Variants in EHD4 observed in about 807,000 individuals in gnomAD.
EHD4 encodes the protein EH domain-containing protein 4.
EHD4 carries 37 observed loss-of-function variants against 51.0 expected under a neutral mutation model. The observed-to-expected ratio is 0.73, with a 90% CI of 0.56 to 0.95. The LOEUF is 0.95. EHD4 is among the 40% of genes least tolerant of loss of function. EHD4 has a pLI of 0.00. For synonymous variants in EHD4, 297 were observed against 317.3 expected (o/e 0.94, Z 0.68); for missense variants, 632 against 733.1 (o/e 0.86, Z 1.59).
intron 3 of EHD4, among the ~76,000 whole-genome samples, chr15:41,941,294 C>G (rs1370762369): frequency 6.6e-6 from 1 of 152,124 alleles, no homozygotes; most frequent in Non-Finnish European, 1.5e-5. Context: ...ATGAAATAAT[C>G]TGAATATACT....
Position 41,897,571 on chromosome 15 carries a change from G to C in EHD4, c.*3074C>G, listed in dbSNP as rs573779576. 43 of 152,496 alleles carry C rather than the reference G, an allele frequency of 2.8e-4. No homozygotes were observed. Among genetic ancestry groups the C allele is most frequent in the African/African-American group, 8.7e-4 (36 of 41,588 alleles). 9.4% of individuals were successfully genotyped at this position (152,496 alleles called of 1,614,324 possible). A position where few individuals can be genotyped will look rare whatever the true frequency, so the allele number is the denominator to read the frequency against. On this transcript the variant is annotated 3_prime_UTR_variant, in exon 6 of 6. Transcript: ENST00000220325. The stretch of plus-strand genomic sequence containing the variant: ...ACGCTGCAGGGCTGGAGCAGGAGGC[G>C]GAAGCAGGTTGGAAGGCTGTTGTGT...
At chr15:41,909,049 C>T (rs746047156) in intron 5 of EHD4, among the ~76,000 whole-genome samples, 6 of 152,214 alleles carry the variant, frequency 3.9e-5, no homozygotes, top group African/African-American at 7.2e-5. Context: ...TGTGAGGACA[C>T]GCTCGTCTAA....
intron 5 of EHD4, chr15:41,908,367 G>C (rs1205238310): frequency 2.6e-5 from 4 of 152,078 alleles, no homozygotes; most frequent in African/African-American, 9.7e-5. Flanking sequence ...TCACCTGCTG[G>C]CCCTTGCCTC....
chr15:41,909,596 G>T, intron 5 of EHD4, 103 bp downstream of exon 5: 1 of 1,353,662 alleles, frequency 7.4e-7, no homozygotes, highest in Non-Finnish European at 1.0e-6. Flanking sequence ...CGTTGTCCTT[G>T]ATCCTAAACC....
chr15:41,957,706 T>TAAGCAGGACC (rs750996228), intron 1 of EHD4, among the ~76,000 whole-genome samples: 1 of 152,216 alleles, frequency 6.6e-6, no homozygotes, highest in Non-Finnish European at 1.5e-5. Flanking sequence ...CCTGGTGCTC[T>TAAGCAGGACC]AAGCAGGACC....
chr15:41,919,846 G>C (rs2067613203), intron 3 of EHD4, among the ~76,000 whole-genome samples: 1 of 152,164 alleles, frequency 6.6e-6, no homozygotes, highest in Non-Finnish European at 1.5e-5. Context: ...AGAGAATGGG[G>C]CTCATGGTCA....
chr15:41,962,232 T>G lies in EHD4; in HGVS notation c.237-8292A>C, dbSNP rs528892829. ...ACAAATGGATCCCAGTGGGATTTTT[T>G]TTTGTTTGTTTTGAAGAACCTAACT... On this transcript the variant is annotated intron_variant, in intron 1 of 5. Coordinates refer to ENST00000220325, the MANE Select transcript of EHD4 (RefSeq NM_139265.4). Among the ~76,000 whole-genome samples, 50 of 152,338 alleles carry G rather than the reference T, an allele frequency of 3.3e-4. 1 individual carries two copies. In the South Asian group the frequency reaches 6.2e-3, roughly 19 times the overall value.
intron 3 of EHD4, among the ~76,000 whole-genome samples, chr15:41,925,782 T>C (rs991071087): frequency 6.6e-6 from 1 of 152,128 alleles, no homozygotes; most frequent in African/African-American, 2.4e-5. Context: ...CTCCATGTTC[T>C]GGGAACAAAA....
At chr15:41,947,675 T>C (rs543380553) in intron 2 of EHD4, among the ~76,000 whole-genome samples, 1 of 152,318 alleles carries the variant, frequency 6.6e-6, no homozygotes, top group South Asian at 2.1e-4. Flanking sequence ...AATCTTATCT[T>C]CCAGTGCCTA....
At chr15:41,950,263 G>A (rs1445365445) in intron 2 of EHD4, among the ~76,000 whole-genome samples, 2 of 152,220 alleles carry the variant, frequency 1.3e-5, no homozygotes, top group Non-Finnish European at 2.9e-5. Flanking sequence ...GGTGGAGGGT[G>A]TTGTCCCCCT....
intron 3 of EHD4, among the ~76,000 whole-genome samples, chr15:41,933,509 T>G (rs2067712207): frequency 6.6e-6 from 1 of 152,172 alleles, no homozygotes; most frequent in African/African-American, 2.4e-5. Flanking sequence ...GTTGCCCAGC[T>G]GGCAAGGGAA....
At chr15:41,956,150 C>T (rs1268151828) in intron 1 of EHD4, among the ~76,000 whole-genome samples, 6 of 152,176 alleles carry the variant, frequency 3.9e-5, no homozygotes, top group Admixed American at 1.3e-4. Flanking sequence ...CTAATAGCAA[C>T]GGTGGGCTGG....
intron 1 of EHD4, among the ~76,000 whole-genome samples, chr15:41,965,586 T>A (rs1220178326): frequency 6.6e-6 from 1 of 152,064 alleles, no homozygotes; most frequent in African/African-American, 2.4e-5. Flanking sequence ...CAAAAACAGA[T>A]TTTGGAGCCT....
At chr15:41,968,076 T>C (rs930413131) in intron 1 of EHD4, among the ~76,000 whole-genome samples, 1 of 152,216 alleles carries the variant, frequency 6.6e-6, no homozygotes, top group African/African-American at 2.4e-5. Flanking sequence ...CAAGAGCCCA[T>C]GAGTGGGCCG....
chr15:41,903,506 ACT>A (rs1424953840), intron 5 of EHD4, among the ~76,000 whole-genome samples: 1 of 151,490 alleles, frequency 6.6e-6, no homozygotes, highest in Non-Finnish European at 1.5e-5. Context: ...ACAATACCAC[ACT>A]CTTAACAAAT....
At chr15:41,903,502 C>T (rs2067492833) in intron 5 of EHD4, among the ~76,000 whole-genome samples, 2 of 148,810 alleles carry the variant, frequency 1.3e-5, no homozygotes, top group Non-Finnish European at 3.0e-5. Flanking sequence ...TGAAACAATA[C>T]CACACTCTTA....
chr15:41,920,625 C>T (rs1477158996), intron 3 of EHD4, among the ~76,000 whole-genome samples: 1 of 152,192 alleles, frequency 6.6e-6, no homozygotes, highest in African/African-American at 2.4e-5. Flanking sequence ...TGCTGATGTA[C>T]CTACCACATA....
chr15:41,954,073 CA>C, intron 1 of EHD4, 133 bp from the exon 2 acceptor site: 1 of 948,082 alleles, frequency 1.1e-6, no homozygotes, highest in Non-Finnish European at 1.6e-6. Flanking sequence ...GAAAAGCACG[CA>C]ATCCTCCTCT....
intron 3 of EHD4, among the ~76,000 whole-genome samples, chr15:41,930,351 C>T (rs1172564156): frequency 4.6e-5 from 7 of 152,274 alleles, no homozygotes; most frequent in Admixed American, 1.3e-4. Context: ...ACGGAGTTGG[C>T]GTGGCAAACA....
Sources: gnomAD v4.1 joint callset for allele counts (sites outside exome capture counted in the v4.1 genomes callset) on GRCh38, gnomAD v4.1.1 for gene constraint, MANE v1.5 for transcripts, NCBI Gene and HGNC (gene_info 2026-07-23, HGNC 2026-07-21) for gene names.